CFLAR: variants seen among roughly 807,000 people sequenced by gnomAD.
CFLAR encodes CASP8 and FADD-like apoptosis regulator.
A neutral mutation model predicts 51.1 loss-of-function variants in CFLAR; 14 were observed. The ratio of observed to expected loss-of-function variants is 0.27; its 90% CI spans 0.18 to 0.43. The LOEUF is 0.43. Among genes scored for constraint, CFLAR ranks in the 20% least tolerant of loss-of-function variants. The pLI, the probability that CFLAR is intolerant of heterozygous loss-of-function variation, is 1.00. For missense variants in CFLAR, 390 were observed against 566.5 expected (o/e 0.69, Z 3.16); for synonymous variants, 210 against 211.6 (o/e 0.99, Z 0.06).
intron 3 of CFLAR, among the ~76,000 whole-genome samples, chr2:201,135,052 G>A (rs551990314): frequency 1.3e-5 from 2 of 152,240 alleles, no homozygotes; most frequent in South Asian, 4.1e-4. Context: ...AAATGCAAAG[G>A]AAATAGATCC....
Position 201,138,495 on chromosome 2 carries a change from G to T in CFLAR, c.524-1862G>T. ...CCTCTTTCAACCTCACACTGCTGGA[G>T]CCACCACTAGCTTGATCCTTGGCAT... On this transcript the variant is annotated intron_variant, in intron 4 of 9. Transcript: ENST00000309955. This position sits in a 1 kb window ranked among gnomAD's most constrained non-coding sequence, Gnocchi z 4.0. 8.2e-7 allele frequency: 1 copy of T among 1,223,108 alleles called. No homozygotes were observed. Among genetic ancestry groups the T allele is most frequent in the Non-Finnish European group, 1.2e-6 (1 of 834,236 alleles). 75.8% of individuals were successfully genotyped at this position (1,223,108 alleles called of 1,614,324 possible).
At chr2:201,123,204 T>C (rs2048351555) in intron 1 of CFLAR, among the ~76,000 whole-genome samples, 1 of 152,220 alleles carries the variant, frequency 6.6e-6, no homozygotes, top group South Asian at 2.1e-4. Flanking sequence ...TTCTGCAGCC[T>C]ACACATAAGT....
rs1379224491 is a variant in CFLAR, at chr2:201,141,572, T to C, written c.606+1133T>C. 2.3e-6 allele frequency: 3 copies of C among 1,313,352 alleles called. No individual in the cohort carries two copies. The East Asian group carries it at 8.6e-5, about 38-fold the overall frequency. 81.4% of individuals were successfully genotyped at this position (1,313,352 alleles called of 1,614,324 possible). On this transcript the variant is annotated intron_variant, in intron 5 of 9. Transcript: ENST00000309955. ...AATCTTTTGTTACTACTAATAATGC[T>C]ATAAAATAAATATCCTTGTACTTCT...
intron 4 of CFLAR, chr2:201,140,043 C>T (rs1575729053): frequency 3.2e-6 from 1 of 314,208 alleles, no homozygotes; most frequent in East Asian, 1.5e-4. Context: ...CGCGAGACCC[C>T]GCGACCCGAC....
Position 201,162,999 on chromosome 2 carries a change from G to A in CFLAR, c.1305-836G>A, listed in dbSNP as rs753894821. The A allele has an allele frequency of 2.8e-5, 21 of 748,982 alleles. No individual in the cohort carries two copies. The South Asian group carries it at 2.9e-4, about 10-fold the overall frequency. The allele number at this position is 748,982 out of a possible 1,614,324, so 46.4% of individuals were successfully genotyped here. A position where few individuals can be genotyped will look rare whatever the true frequency, so the allele number is the denominator to read the frequency against. On this transcript the variant is annotated intron_variant, in intron 9 of 9. Transcript: ENST00000309955. ...CTTATCCTTAATTGTTTTCTAGGGG[G>A]ACAATTCCCGGAAGTGGAATTACAG...
intron 8 of CFLAR, chr2:201,152,793 C>CT (rs1161374596): frequency 6.6e-6 from 1 of 152,230 alleles, no homozygotes; most frequent in African/African-American, 2.4e-5. Context: ...AGAGGAGAAT[C>CT]TAAGTACAAA....
At chr2:201,162,310 G>A (rs995099007) in intron 9 of CFLAR, among the ~76,000 whole-genome samples, 4 of 152,046 alleles carry the variant, frequency 2.6e-5, no homozygotes, top group African/African-American at 9.7e-5. Flanking sequence ...CACCATGTTG[G>A]CCAGGCTGGT....
At position 201,168,679 on chromosome 2, in the gene CFLAR, C is replaced by CTG. The variant is rs533429656; in HGVS notation, c.*4710_*4711dup. On this transcript the variant is annotated 3_prime_UTR_variant, in exon 10 of 10. Coordinates refer to ENST00000309955, the MANE Select transcript of CFLAR (RefSeq NM_003879.7). ...TCAAATAGGAAAAGAGGAAGTAAAACTGTGTTTGCAGATGACATGATACTA... is the reference window on the plus strand; with the variant it reads ...TCAAATAGGAAAAGAGGAAGTAAAACTGTGTGTTTGCAGATGACATGATACTA... 1 of 114,118 alleles carries CTG rather than the reference C, an allele frequency of 8.8e-6. No homozygotes were observed. Among genetic ancestry groups the CTG allele is most frequent in the Non-Finnish European group, 2.0e-5 (1 of 49,402 alleles). 7.1% of individuals were successfully genotyped at this position (114,118 alleles called of 1,614,324 possible).
At chr2:201,153,063 T>C (rs1480527260) in intron 8 of CFLAR, 1 of 152,260 alleles carries the variant, frequency 6.6e-6, no homozygotes, top group African/African-American at 2.4e-5. Flanking sequence ...GGTACATTGC[T>C]GGACAAGAGT....
chr2:201,124,947 A>G lies in CFLAR; in HGVS notation c.-137-4782A>G, dbSNP rs894186960. On this transcript the variant is annotated intron_variant, in intron 1 of 9. Coordinates refer to ENST00000309955, the MANE Select transcript of CFLAR (RefSeq NM_003879.7). The surrounding 1 kb of genome is among the most constrained non-coding windows in gnomAD (Gnocchi z 4.7). ...GGACTTCCAAGTTTTTGGATGTGGCAACCAGGAGGTCACCAGGGCCTCAAC... is the reference window on the plus strand; with the variant it reads ...GGACTTCCAAGTTTTTGGATGTGGCGACCAGGAGGTCACCAGGGCCTCAAC... 2.6e-5 allele frequency among the ~76,000 whole-genome samples: 4 copies of G among 152,190 alleles called. No individual in the cohort carries two copies. The highest frequency in any genetic ancestry group is 9.7e-5 in the African/African-American group (4 of 41,432).
intron 5 of CFLAR, 62 bp from the exon 6 acceptor site, chr2:201,145,316 A>G (rs1336981175): frequency 4.3e-6 from 4 of 926,950 alleles, no homozygotes; most frequent in Non-Finnish European, 7.0e-6. Context: ...AAAGAGGTGT[A>G]ATGTATAGTG....
rs1943675852 is a variant in CFLAR, at chr2:201,167,109, A to G, written c.*3136A>G. On this transcript the variant is annotated 3_prime_UTR_variant, in exon 10 of 10. Coordinates refer to ENST00000309955, the MANE Select transcript of CFLAR (RefSeq NM_003879.7). ...TTTCTTGAGGTTTTAACTGATGTGT[A>G]TCTGTATGTCTATTTGTGTATATTT... 1 of 152,100 alleles carries G rather than the reference A, an allele frequency of 6.6e-6. No homozygotes were observed. The highest frequency in any genetic ancestry group is 2.1e-4 in the South Asian group (1 of 4,828). The allele number at this position is 152,100 out of a possible 1,614,324, so 9.4% of individuals were successfully genotyped here. A position where few individuals can be genotyped will look rare whatever the true frequency, so the allele number is the denominator to read the frequency against.
intron 1 of CFLAR, among the ~76,000 whole-genome samples, chr2:201,125,225 C>T (rs1035174157): frequency 3.9e-5 from 6 of 152,056 alleles, no homozygotes; most frequent in Non-Finnish European, 7.4e-5. Flanking sequence ...CTGAGTGTGG[C>T]TGTGTAGAGG....
chr2:201,123,579 G>A (rs1022837159), intron 1 of CFLAR, among the ~76,000 whole-genome samples: 4 of 152,126 alleles, frequency 2.6e-5, no homozygotes, highest in Non-Finnish European at 4.4e-5. Context: ...GGAGGGAGGC[G>A]CCTCCAGGGA....
intron 9 of CFLAR, chr2:201,163,459 G>A: frequency 9.0e-7 from 1 of 1,109,146 alleles, no homozygotes; most frequent in African/African-American, 1.6e-5. Flanking sequence ...TCTTTACCTG[G>A]CCTCCTTAGT....
intron 1 of CFLAR, among the ~76,000 whole-genome samples, chr2:201,126,921 A>AT (rs1244274006): frequency 1.3e-5 from 2 of 152,314 alleles, no homozygotes; most frequent in East Asian, 3.9e-4. Context: ...GACTTCTGCA[A>AT]GAGAAATGAA....
intron 3 of CFLAR, among the ~76,000 whole-genome samples, chr2:201,134,601 C>T: frequency 6.6e-6 from 1 of 151,374 alleles, no homozygotes; most frequent in Non-Finnish European, 1.5e-5. Flanking sequence ...TGCTATTGCA[C>T]TCCAGCCTGG....
rs977195486 is a variant in CFLAR at position 201,124,324 on chromosome 2, GT to G, written c.-137-5401del. Among the ~76,000 whole-genome samples, 2 of 151,042 alleles carry G rather than the reference GT, an allele frequency of 1.3e-5. No individual in the cohort carries two copies. The highest frequency in any genetic ancestry group is 4.9e-5 in the African/African-American group (2 of 40,482). On this transcript the variant is annotated intron_variant, in intron 1 of 9. Coordinates refer to ENST00000309955, the MANE Select transcript of CFLAR (RefSeq NM_003879.7). The surrounding 1 kb of genome is among the most constrained non-coding windows in gnomAD (Gnocchi z 4.7). ...GTGTGTTAAGTGCTTCAATAGAGGT[GT>G]TTTGTTTTGTTTTGTTTTGTTTTTC...
intron 3 of CFLAR, among the ~76,000 whole-genome samples, chr2:201,134,287 G>A (rs376007917): frequency 8.3e-5 from 12 of 144,500 alleles, no homozygotes; most frequent in African/African-American, 2.8e-4. Flanking sequence ...CAGCCTGGGC[G>A]ACGGAGCAAG....
Sources: allele counts gnomAD v4.1 joint callset (sites outside exome capture counted in the v4.1 genomes callset), GRCh38; gene constraint gnomAD v4.1.1; non-coding constraint Gnocchi (gnomAD v3.1); transcripts MANE v1.5; gene names NCBI Gene and HGNC (gene_info 2026-07-23, HGNC 2026-07-21).